KCNMA1: variants seen among roughly 807,000 people sequenced by gnomAD.
The protein encoded by KCNMA1 is potassium calcium-activated channel subfamily M alpha 1.
In KCNMA1, 29 loss-of-function variants were observed where a neutral mutation model predicts 140.0. The ratio of observed to expected loss-of-function variants is 0.21; its 90% CI spans 0.15 to 0.28. The LOEUF is 0.28. Ranked by LOEUF, KCNMA1 falls within the 10% of genes least tolerant of loss-of-function variation. KCNMA1 has a pLI of 1.00. For missense variants in KCNMA1, 880 were observed against 1,602.2 expected (o/e 0.55, Z 7.70); for synonymous variants, 612 against 611.9 (o/e 1.00, Z 0.00).
At chr10:77,391,714 G>A (rs2095833382) in intron 2 of KCNMA1, among the ~76,000 whole-genome samples, 1 of 151,904 alleles carries the variant, frequency 6.6e-6, no homozygotes, top group South Asian at 2.1e-4. Context: ...ACCAAATTGG[G>A]CTGTTTGGGG....
At chr10:77,549,952 T>C (rs1194777599) in intron 1 of KCNMA1, among the ~76,000 whole-genome samples, 1 of 152,214 alleles carries the variant, frequency 6.6e-6, no homozygotes, top group Non-Finnish European at 1.5e-5. Context: ...TGCTGGACAA[T>C]GAAAGCACTA....
intron 2 of KCNMA1, among the ~76,000 whole-genome samples, chr10:77,389,188 C>G (rs958452453): frequency 5.9e-5 from 9 of 152,182 alleles, no homozygotes; most frequent in Admixed American, 2.6e-4. Context: ...CTCCACTGAT[C>G]ACCCACAGTG....
At chr10:77,578,726 C>T (rs889566406) in intron 1 of KCNMA1, among the ~76,000 whole-genome samples, 10 of 152,342 alleles carry the variant, frequency 6.6e-5, no homozygotes, top group Non-Finnish European at 1.3e-4. Context: ...CCTCAGAGGC[C>T]TTCCTGGGTT....
intron 20 of KCNMA1, among the ~76,000 whole-genome samples, chr10:76,957,877 G>T (rs1025201664): frequency 1.3e-5 from 2 of 152,204 alleles, no homozygotes; most frequent in East Asian, 3.8e-4. Flanking sequence ...ATTCGTTCCA[G>T]CAACAATAGA....
chr10:77,570,648 T>C (rs1340094118), intron 1 of KCNMA1, among the ~76,000 whole-genome samples: 12 of 145,172 alleles, frequency 8.3e-5, no homozygotes, highest in Non-Finnish European at 1.8e-4. Flanking sequence ...GATGACGAGT[T>C]AGTGGGTGCA....
chr10:77,055,444 GT>G (rs1565813948), intron 14 of KCNMA1, among the ~76,000 whole-genome samples: 1 of 151,782 alleles, frequency 6.6e-6, no homozygotes. Flanking sequence ...GGAAATCACT[GT>G]TTTTCCCTCC....
At chr10:77,453,811 G>T (rs570032186) in intron 1 of KCNMA1, among the ~76,000 whole-genome samples, 1 of 152,136 alleles carries the variant, frequency 6.6e-6, no homozygotes, top group Non-Finnish European at 1.5e-5. Context: ...TATCCAAGGT[G>T]GGGGAGAGAA....
intron 1 of KCNMA1, among the ~76,000 whole-genome samples, chr10:77,539,034 C>T (rs2059565748): frequency 6.6e-6 from 1 of 152,158 alleles, no homozygotes; most frequent in African/African-American, 2.4e-5. Flanking sequence ...AGAGGCTGAA[C>T]ACACTCCAAT....
intron 1 of KCNMA1, among the ~76,000 whole-genome samples, chr10:77,594,971 A>C (rs1487968346): frequency 1.3e-5 from 2 of 152,222 alleles, no homozygotes; most frequent in East Asian, 3.9e-4. Flanking sequence ...CAGCTAGGCC[A>C]CCTGGACTAG....
chr10:77,636,564 G>A, intron 1 of KCNMA1: 1 of 1,536,156 alleles, frequency 6.5e-7, no homozygotes, highest in Non-Finnish European at 8.7e-7. Flanking sequence ...TGTTCCACTA[G>A]AGCACCTAAG....
intron 1 of KCNMA1, among the ~76,000 whole-genome samples, chr10:77,577,989 A>G (rs949431330): frequency 2.6e-5 from 4 of 152,260 alleles, no homozygotes; most frequent in Admixed American, 6.5e-5. Context: ...ATGGCCAGCT[A>G]GCTATAATTA....
chr10:77,557,645 A>AT (rs148296325), intron 1 of KCNMA1, among the ~76,000 whole-genome samples: 1,813 of 131,872 alleles, frequency 0.014, 24 homozygotes, highest in African/African-American at 0.026. Flanking sequence ...CCAGGAAGTG[A>AT]TTTTTTTTTT....
intron 5 of KCNMA1, among the ~76,000 whole-genome samples, chr10:77,137,462 A>C (rs970540507): frequency 6.6e-6 from 1 of 152,160 alleles, no homozygotes; most frequent in Non-Finnish European, 1.5e-5. Flanking sequence ...GAGGGCAGGC[A>C]TATCAGGGTA....
chr10:77,074,055 A>T (rs2096302581), intron 13 of KCNMA1, among the ~76,000 whole-genome samples: 2 of 152,348 alleles, frequency 1.3e-5, no homozygotes, highest in Non-Finnish European at 2.9e-5. Flanking sequence ...AGTTGGAAAA[A>T]TCGGCAAAAG....
chr10:77,111,180 T>C (rs1186590562), intron 7 of KCNMA1, among the ~76,000 whole-genome samples: 1 of 152,142 alleles, frequency 6.6e-6, no homozygotes, highest in Non-Finnish European at 1.5e-5. Context: ...GGCTAGTAGG[T>C]GGGCAGGAAA....
intron 2 of KCNMA1, among the ~76,000 whole-genome samples, chr10:77,333,874 C>T (rs1017922250): frequency 6.6e-6 from 1 of 152,188 alleles, no homozygotes; most frequent in Non-Finnish European, 1.5e-5. Flanking sequence ...AAGCTGTGCG[C>T]TCCTTGGGAG....
rs142886752 is a variant in KCNMA1, at chr10:77,075,837, C to G, written c.1594-2585G>C. On this transcript the variant is annotated intron_variant, in intron 13 of 27. Transcript: ENST00000286628. ...AACATAAATCCTTTGTTTCTGGAAA[C>G]TTCGTCCTTTTCCATTTGAAGTAAA... 2.8e-4 allele frequency among the ~76,000 whole-genome samples: 43 copies of G among 152,286 alleles called. No homozygotes were observed. In the East Asian group the frequency reaches 7.7e-3, roughly 27 times the overall value.
intron 2 of KCNMA1, among the ~76,000 whole-genome samples, chr10:77,269,323 G>C (rs1053887526): frequency 2.6e-5 from 4 of 152,244 alleles, no homozygotes; most frequent in Non-Finnish European, 1.5e-5. Context: ...TATCCACTTG[G>C]GCTGTAGGTT....
At chr10:76,951,797 T>G (rs1481279205) in intron 21 of KCNMA1, among the ~76,000 whole-genome samples, 1 of 152,160 alleles carries the variant, frequency 6.6e-6, no homozygotes, top group Admixed American at 6.5e-5. Flanking sequence ...TGAAATGTTA[T>G]TAAGTACTCA....
Sources: gnomAD v4.1 joint callset for allele counts (sites outside exome capture counted in the v4.1 genomes callset) on GRCh38, gnomAD v4.1.1 for gene constraint, MANE v1.5 for transcripts, NCBI Gene and HGNC (gene_info 2026-07-23, HGNC 2026-07-21) for gene names.